The following GALNT13 variants were observed in gnomAD, a reference collection of about 807,000 sequenced individuals.
GALNT13 encodes UDP-GalNAc:polypeptide N-acetylgalactosaminyltransferase 13.
Under a neutral mutation model 64.2 loss-of-function variants are expected in GALNT13, and 28 were observed. That is an observed-to-expected ratio of 0.44 (90% confidence interval 0.32 to 0.60). The LOEUF (loss-of-function observed/expected upper bound fraction) is 0.60. GALNT13 is among the 20% of genes least tolerant of loss of function. GALNT13 has a pLI of 0.05. For synonymous variants in GALNT13, 214 were observed against 224.6 expected (o/e 0.95, Z 0.42); for missense variants, 577 against 669.8 (o/e 0.86, Z 1.53).
chr2:153,193,652 T>A, the GALNT13 span, among the ~76,000 whole-genome samples: 1 of 148,776 alleles, frequency 6.7e-6, no homozygotes, highest in Non-Finnish European at 1.5e-5. Context: ...TTCATTTTAA[T>A]AAAAAAAAAA....
At chr2:153,625,325 G>A in the GALNT13 span, among the ~76,000 whole-genome samples, 1 of 152,020 alleles carries the variant, frequency 6.6e-6, no homozygotes, top group Non-Finnish European at 1.5e-5. Flanking sequence ...AACAGCGGAG[G>A]TAATGATTGC....
At chr2:153,690,076 GCTAT>G in the GALNT13 span, among the ~76,000 whole-genome samples, 1 of 152,044 alleles carries the variant, frequency 6.6e-6, no homozygotes, top group South Asian at 2.1e-4. Context: ...TACAATTAAA[GCTAT>G]CTATTGAATC....
the GALNT13 span, among the ~76,000 whole-genome samples, chr2:153,470,491 A>G: frequency 6.6e-6 from 1 of 152,046 alleles, no homozygotes; most frequent in Non-Finnish European, 1.5e-5. Context: ...GGGGTTATTA[A>G]GTTGATGAGA....
intron 3 of GALNT13, among the ~76,000 whole-genome samples, chr2:153,972,143 T>A (rs1323452109): frequency 6.6e-6 from 1 of 151,920 alleles, no homozygotes; most frequent in Non-Finnish European, 1.5e-5. Context: ...GACATCCTGA[T>A]TTTGCACTTC....
chr2:154,159,310 T>C (rs968630095), intron 4 of GALNT13, among the ~76,000 whole-genome samples: 6 of 151,838 alleles, frequency 4.0e-5, no homozygotes, highest in Admixed American at 3.9e-4. Context: ...AATTTTTGTA[T>C]TTTTAGTAGA....
At chr2:153,525,337 G>C in the GALNT13 span, among the ~76,000 whole-genome samples, 5 of 152,114 alleles carry the variant, frequency 3.3e-5, no homozygotes, top group Non-Finnish European at 7.4e-5. Flanking sequence ...GTGGCTAAGG[G>C]GCAAAACCCC....
intron 9 of GALNT13, among the ~76,000 whole-genome samples, chr2:154,391,783 A>C (rs546997871): frequency 6.6e-6 from 1 of 152,324 alleles, no homozygotes; most frequent in Non-Finnish European, 1.5e-5. Flanking sequence ...AAGATAACTC[A>C]TCATCCAAAG....
the GALNT13 span, among the ~76,000 whole-genome samples, chr2:153,249,394 A>G: frequency 6.6e-6 from 1 of 152,238 alleles, no homozygotes; most frequent in Non-Finnish European, 1.5e-5. Flanking sequence ...AATCAATGGG[A>G]AAAAATTTCA....
chr2:153,898,627 T>C (rs1226705371), intron 1 of GALNT13, among the ~76,000 whole-genome samples: 1 of 151,990 alleles, frequency 6.6e-6, no homozygotes, highest in Non-Finnish European at 1.5e-5. Context: ...TAATCAATTG[T>C]TTGTAATATT....
intron 3 of GALNT13, among the ~76,000 whole-genome samples, chr2:154,032,344 A>G (rs1454288627): frequency 6.6e-6 from 1 of 152,040 alleles, no homozygotes; most frequent in Admixed American, 6.6e-5. Flanking sequence ...AGTGAAGTCT[A>G]TTAACCTTTT....
At chr2:154,188,911 T>C (rs1553491734) in intron 4 of GALNT13, among the ~76,000 whole-genome samples, 1 of 152,172 alleles carries the variant, frequency 6.6e-6, no homozygotes, top group Non-Finnish European at 1.5e-5. Flanking sequence ...TTGCCATTAC[T>C]TTTAATGGCA....
At chr2:153,663,430 C>T in the GALNT13 span, among the ~76,000 whole-genome samples, 1 of 151,928 alleles carries the variant, frequency 6.6e-6, no homozygotes, top group Non-Finnish European at 1.5e-5. Context: ...AATAAATCAC[C>T]ATTTAATTTT....
intron 12 of GALNT13, among the ~76,000 whole-genome samples, chr2:154,440,230 A>G (rs1479071809): frequency 6.6e-6 from 1 of 152,174 alleles, no homozygotes; most frequent in East Asian, 1.9e-4. Context: ...TTATTAAGAA[A>G]GGGGAATGAT....
chr2:153,710,548 A>G, the GALNT13 span, among the ~76,000 whole-genome samples: 343 of 152,216 alleles, frequency 2.3e-3, 2 homozygotes, highest in African/African-American at 8.0e-3. Context: ...TCTGAACCCA[A>G]ATATAATTAC....
At chr2:154,371,101 A>G (rs1027117937) in intron 9 of GALNT13, among the ~76,000 whole-genome samples, 30 of 152,136 alleles carry the variant, frequency 2.0e-4, no homozygotes, top group Non-Finnish European at 1.0e-4. Context: ...ATCAGGTTAC[A>G]TGGGAGGAAT....
intron 9 of GALNT13, among the ~76,000 whole-genome samples, chr2:154,335,767 T>TAA (rs1232940249): frequency 6.6e-6 from 1 of 152,112 alleles, no homozygotes; most frequent in Non-Finnish European, 1.5e-5. Context: ...AAATCTGTTA[T>TAA]AAACAGCATA....
At chr2:153,538,281 T>G in the GALNT13 span, among the ~76,000 whole-genome samples, 2 of 151,456 alleles carry the variant, frequency 1.3e-5, no homozygotes, top group African/African-American at 4.8e-5. Flanking sequence ...AAAGATTATT[T>G]AGGGTATCAG....
the GALNT13 span, among the ~76,000 whole-genome samples, chr2:153,363,117 C>A: frequency 6.6e-6 from 1 of 152,094 alleles, no homozygotes; most frequent in Non-Finnish European, 1.5e-5. Flanking sequence ...AATTGAACAA[C>A]ATGCTCCTGA....
At chr2:153,070,884 A>G in the GALNT13 span, among the ~76,000 whole-genome samples, 2 of 152,188 alleles carry the variant, frequency 1.3e-5, no homozygotes, top group African/African-American at 4.8e-5. Flanking sequence ...AAATATCACT[A>G]ATCTTGGTCT....
Sources: gnomAD v4.1 joint callset for allele counts (sites outside exome capture counted in the v4.1 genomes callset) on GRCh38, gnomAD v4.1.1 for gene constraint, MANE v1.5 for transcripts, NCBI Gene and HGNC (gene_info 2026-07-23, HGNC 2026-07-21) for gene names.